Variants in BACH2 observed in about 807,000 individuals in gnomAD.
BACH2 encodes transcription regulator protein BACH2.
Under a neutral mutation model 61.8 loss-of-function variants are expected in BACH2, and 5 were observed. That is an observed-to-expected ratio of 0.08 (90% confidence interval 0.04 to 0.17). The LOEUF (loss-of-function observed/expected upper bound fraction) is 0.17. Among genes scored for constraint, BACH2 ranks in the 10% least tolerant of loss-of-function variants. The probability of loss-of-function intolerance (pLI) is 1.00; values close to 1 mark genes in which losing one functional copy is unlikely to be tolerated. For synonymous variants in BACH2, 446 were observed against 440.1 expected (o/e 1.01, Z -0.17); for missense variants, 824 against 1,091.1 (o/e 0.76, Z 3.45).
intron 4 of BACH2, among the ~76,000 whole-genome samples, chr6:90,171,893 C>G (rs1263156905): frequency 3.9e-5 from 6 of 152,116 alleles, no homozygotes; most frequent in Admixed American, 6.5e-5. Context: ...TTTAGAGACT[C>G]ACATGAGTAA....
intron 4 of BACH2, among the ~76,000 whole-genome samples, chr6:90,195,626 C>T (rs1768732427): frequency 6.6e-6 from 1 of 152,112 alleles, no homozygotes; most frequent in African/African-American, 2.4e-5. Flanking sequence ...CAGTCCATTT[C>T]GAGTATTGAT....
chr6:90,138,607 A>G (rs113326167), intron 4 of BACH2, among the ~76,000 whole-genome samples: 17 of 152,334 alleles, frequency 1.1e-4, no homozygotes, highest in African/African-American at 4.1e-4. Context: ...AAATCATTGA[A>G]AAAAATCACT....
intron 4 of BACH2, among the ~76,000 whole-genome samples, chr6:90,159,173 C>T (rs942272048): frequency 7.9e-5 from 12 of 152,180 alleles, no homozygotes; most frequent in Non-Finnish European, 1.8e-4. Flanking sequence ...ACAGCAGAAT[C>T]GTTTCCCTAC....
At chr6:90,213,440 C>T (rs560377808) in intron 3 of BACH2, among the ~76,000 whole-genome samples, 180 of 152,268 alleles carry the variant, frequency 1.2e-3, no homozygotes, top group African/African-American at 4.0e-3. Flanking sequence ...TGTAAACCTC[C>T]GGGAGAGAAA....
intron 5 of BACH2, among the ~76,000 whole-genome samples, chr6:90,046,104 C>T (rs184598983): frequency 1.8e-4 from 28 of 152,270 alleles, no homozygotes; most frequent in Admixed American, 1.4e-3. Flanking sequence ...GTCCCATCCA[C>T]GTCTGAAAGA....
At chr6:90,054,843 G>A (rs1780245622) in intron 5 of BACH2, among the ~76,000 whole-genome samples, 1 of 152,230 alleles carries the variant, frequency 6.6e-6, no homozygotes, top group African/African-American at 2.4e-5. Context: ...AGCCACCGCT[G>A]CTGATACCCA....
intron 8 of BACH2, among the ~76,000 whole-genome samples, chr6:89,933,648 G>A (rs760479894): frequency 1.3e-5 from 2 of 152,156 alleles, no homozygotes; most frequent in Non-Finnish European, 2.9e-5. Context: ...GAAACTCTCT[G>A]TATAGTGTGT....
chr6:90,112,475 A>G (rs1783216219), intron 4 of BACH2, among the ~76,000 whole-genome samples: 1 of 152,184 alleles, frequency 6.6e-6, no homozygotes, highest in African/African-American at 2.4e-5. Context: ...AAAAGTCTTC[A>G]ACCAAGAATT....
intron 4 of BACH2, among the ~76,000 whole-genome samples, chr6:90,104,779 G>T (rs1371274927): frequency 1.3e-5 from 2 of 152,188 alleles, no homozygotes; most frequent in South Asian, 2.1e-4. Context: ...GTGGGCTGGG[G>T]TGTCCATGTG....
At chr6:90,015,863 T>C (rs1778031277) in intron 5 of BACH2, among the ~76,000 whole-genome samples, 1 of 152,234 alleles carries the variant, frequency 6.6e-6, no homozygotes, top group Non-Finnish European at 1.5e-5. Flanking sequence ...GAAGGAGTAC[T>C]AAAACTTTCC....
intron 6 of BACH2, among the ~76,000 whole-genome samples, chr6:89,993,672 C>A (rs1383250279): frequency 6.6e-6 from 1 of 152,172 alleles, no homozygotes; most frequent in African/African-American, 2.4e-5. Flanking sequence ...GGGAAACCAC[C>A]TCATTACCAC....
At chr6:90,296,419 G>C (rs1420728689) in intron 1 of BACH2, 61 bp downstream of exon 1, 3 of 147,108 alleles carry the variant, frequency 2.0e-5, no homozygotes, top group Non-Finnish European at 3.0e-5. Flanking sequence ...CGCTCCCCCC[G>C]CAAACTTGCC....
chr6:90,178,016 G>A (rs1383091529), intron 4 of BACH2, among the ~76,000 whole-genome samples: 1 of 152,136 alleles, frequency 6.6e-6, no homozygotes, highest in Non-Finnish European at 1.5e-5. Flanking sequence ...CTGTTCCCAA[G>A]TGCTGTAGAC....
chr6:90,089,534 G>A (rs1258683868), intron 4 of BACH2, among the ~76,000 whole-genome samples: 9 of 152,098 alleles, frequency 5.9e-5, no homozygotes, highest in African/African-American at 2.2e-4. Context: ...AATGATTTAA[G>A]AATTCTGACC....
intron 7 of BACH2, among the ~76,000 whole-genome samples, chr6:89,949,259 G>A (rs1773926892): frequency 6.6e-6 from 1 of 152,214 alleles, no homozygotes; most frequent in Non-Finnish European, 1.5e-5. Context: ...GGGATACACA[G>A]CTCTGAGAAG....
chr6:90,133,439 A>T (rs1456992424), intron 4 of BACH2, among the ~76,000 whole-genome samples: 2 of 152,268 alleles, frequency 1.3e-5, no homozygotes, highest in African/African-American at 4.8e-5. Flanking sequence ...TCTTAAACTC[A>T]GGCTTTGAGA....
At chr6:90,230,868 G>C (rs915338924) in intron 3 of BACH2, among the ~76,000 whole-genome samples, 3 of 152,160 alleles carry the variant, frequency 2.0e-5, no homozygotes, top group Non-Finnish European at 4.4e-5. Flanking sequence ...TCAGACTTAG[G>C]AACAGAGCTC....
intron 5 of BACH2, among the ~76,000 whole-genome samples, chr6:90,054,346 C>A (rs149440563): frequency 2.0e-5 from 3 of 152,214 alleles, no homozygotes; most frequent in Non-Finnish European, 4.4e-5. Flanking sequence ...GAGGGTCCTA[C>A]GCCCATGGAG....
rs140087140 is a variant in BACH2, at chr6:90,035,685, G to A, written c.-12-26829C>T. Among the ~76,000 whole-genome samples the A allele has an allele frequency of 4.9e-3, 750 of 151,932 alleles. 5 individuals are homozygous for A. Among genetic ancestry groups the A allele is most frequent in the African/African-American group, 0.017 (721 of 41,436 alleles). On this transcript the variant is annotated intron_variant, in intron 5 of 8. Transcript: ENST00000257749. Reference sequence around the variant, plus strand: ...TTGAATTCAAGATTTCATTACAGCTGGCCCCAACAAGATGATAAAGGAAGA... The same window carrying A: ...TTGAATTCAAGATTTCATTACAGCTAGCCCCAACAAGATGATAAAGGAAGA...
Sources: gnomAD v4.1 joint callset for allele counts (sites outside exome capture counted in the v4.1 genomes callset) on GRCh38, gnomAD v4.1.1 for gene constraint, MANE v1.5 for transcripts, NCBI Gene and HGNC (gene_info 2026-07-23, HGNC 2026-07-21) for gene names.